Variants in CRYBG2 observed in about 807,000 individuals in gnomAD.
The protein encoded by CRYBG2 is crystallin beta-gamma domain containing 2.
Under a neutral mutation model 153.4 loss-of-function variants are expected in CRYBG2, and 106 were observed. The observed-to-expected ratio is 0.69, with a 90% CI of 0.59 to 0.81. The LOEUF is 0.81. Among genes scored for constraint, CRYBG2 ranks in the 30% least tolerant of loss-of-function variants. The probability of loss-of-function intolerance (pLI) is 0.00; values close to 1 mark genes in which losing one functional copy is unlikely to be tolerated. For synonymous variants in CRYBG2, 851 were observed against 877.8 expected (o/e 0.97, Z 0.54); for missense variants, 1,996 against 2,112.0 (o/e 0.95, Z 1.08).
Position 26,328,266 on chromosome 1 carries a change from G to T in CRYBG2, c.4521C>A (p.Thr1507=). 6.4e-7 allele frequency: 1 copy of T among 1,567,368 alleles called. No individual in the cohort carries two copies. Among genetic ancestry groups the T allele is most frequent in the Non-Finnish European group, 8.7e-7 (1 of 1,155,888 alleles). Residue 1507 remains threonine, a synonymous_variant, in exon 17 of 20, where the codon ACC becomes ACA. Transcript: ENST00000308182. ...GGGTGCCGCTGTAGGTCAGCCAGTTGGTGATCTCGCAGCTTCCCACCAGCC... is the reference window on the plus strand; with the variant it reads ...GGGTGCCGCTGTAGGTCAGCCAGTTTGTGATCTCGCAGCTTCCCACCAGCC... The part of the protein sequence containing the change: ...RQWLVGSCEI[T]NWLTYSGTQR...
intron 1 of CRYBG2, among the ~76,000 whole-genome samples, chr1:26,347,692 G>T (rs1035004822): frequency 6.6e-6 from 1 of 151,796 alleles, no homozygotes; most frequent in South Asian, 2.1e-4. Flanking sequence ...GGGTTTCGCC[G>T]TGTTAGCCAG....
intron 14 of CRYBG2, among the ~76,000 whole-genome samples, chr1:26,335,207 T>G (rs560946301): frequency 6.6e-6 from 1 of 151,870 alleles, no homozygotes; most frequent in South Asian, 2.1e-4. Context: ...CCGGGCGCAG[T>G]GGCTCACGCC....
intron 1 of CRYBG2, among the ~76,000 whole-genome samples, chr1:26,351,972 A>G (rs561663395): frequency 6.6e-6 from 1 of 152,244 alleles, no homozygotes; most frequent in Non-Finnish European, 1.5e-5. Context: ...GCCCCAGACC[A>G]GAAGTGGATT....
In CRYBG2 at chr1:26,344,046, G is replaced by C. The variant is rs541915347; in HGVS notation, c.2612C>G (p.Ser871Cys). Residue 871 changes from serine to cysteine, a missense_variant, in exon 2 of 20, where the codon TCT (serine) becomes TGT (cysteine). Transcript: ENST00000308182. Reference sequence around the variant, plus strand: ...ATGCTTCTTCATCATCTCCAGAGGAGAGCAGGAGACCTGGGTGGGTCTGGC... The same window carrying C: ...ATGCTTCTTCATCATCTCCAGAGGACAGCAGGAGACCTGGGTGGGTCTGGC... ...HPARPTQVSCSPLEMMKKHVA... is the reference protein window; with the variant it reads ...HPARPTQVSCCPLEMMKKHVA... 128 of 1,536,164 alleles carry C rather than the reference G, an allele frequency of 8.3e-5. No individual in the cohort carries two copies. The South Asian group carries it at 1.3e-3, about 15-fold the overall frequency.
Position 26,325,965 on chromosome 1 carries a change from C to T in CRYBG2, c.4579-1655G>A, listed in dbSNP as rs2073920261. On this transcript the variant is annotated intron_variant, in intron 17 of 19. Coordinates refer to ENST00000308182, the MANE Select transcript of CRYBG2 (RefSeq NM_001039775.4). This position sits in a 1 kb window ranked among gnomAD's most constrained non-coding sequence, Gnocchi z 4.1. The stretch of plus-strand genomic sequence containing the variant: ...CACCCACGCTGGAGTACCAGTGGAG[C>T]CATCATGGCTCACTGTAGCCTCAAA... 6.6e-6 allele frequency among the ~76,000 whole-genome samples: 1 copy of T among 152,070 alleles called. No homozygotes were observed. Among genetic ancestry groups the T allele is most frequent in the African/African-American group, 2.4e-5 (1 of 41,406 alleles).
chr1:26,346,841 C>T lies in CRYBG2; in HGVS notation c.-55-129G>A, dbSNP rs1387632960. On this transcript the variant is annotated intron_variant, in intron 1 of 19. Transcript: ENST00000308182. The surrounding 1 kb of genome is among the most constrained non-coding windows in gnomAD (Gnocchi z 4.9). ...ATCGCTTGGCCTTTTTGGGCCATTG[C>T]TTTCTCATCTGTGAAATGGGCATGG... is the stretch of plus-strand genomic sequence containing the variant. The T allele has an allele frequency of 8.5e-6, 5 of 589,626 alleles. No homozygotes were observed. Among genetic ancestry groups the T allele is most frequent in the Non-Finnish European group, 5.8e-6 (2 of 343,740 alleles). 36.5% of individuals were successfully genotyped at this position (589,626 alleles called of 1,614,324 possible).
At position 26,346,139 on chromosome 1, in the gene CRYBG2, T is replaced by G. The variant is rs1460355537; in HGVS notation, c.519A>C (p.Arg173=). 6.4e-7 allele frequency: 1 copy of G among 1,557,374 alleles called. No individual in the cohort carries two copies. The highest frequency in any genetic ancestry group is 1.8e-5 in the Admixed American group (1 of 56,156). ...TGGTGGTCCGCACAGTGCGTGTCAC[T>G]CGGTATTCCTCGAGGCTCCGGGAGC... ...SGSSRSLEEY[R]VTRTVRTTTV... The change falls in exon 2 of 20, where the codon CGA becomes CGC. Residue 173 remains arginine (R), a synonymous_variant. Coordinates refer to ENST00000308182, the MANE Select transcript of CRYBG2 (RefSeq NM_001039775.4). The surrounding 1 kb of genome is among the most constrained non-coding windows in gnomAD (Gnocchi z 4.9).
intron 1 of CRYBG2, among the ~76,000 whole-genome samples, chr1:26,347,964 A>G (rs1318328988): frequency 6.6e-6 from 1 of 152,078 alleles, no homozygotes; most frequent in African/African-American, 2.4e-5. Context: ...TTATTTTATA[A>G]GACTGAGTCT....
At chr1:26,349,573 A>G (rs986768808) in intron 1 of CRYBG2, among the ~76,000 whole-genome samples, 1 of 152,066 alleles carries the variant, frequency 6.6e-6, no homozygotes, top group African/African-American at 2.4e-5. Context: ...TAAATGTAGG[A>G]TAATATTAAC....
In CRYBG2 at chr1:26,336,260, G is replaced by A; in HGVS notation, c.4072-53C>T. The A allele has an allele frequency of 6.3e-7, 1 of 1,594,860 alleles. No homozygotes were observed. Among genetic ancestry groups the A allele is most frequent in the Admixed American group, 1.7e-5 (1 of 57,692 alleles). ...AAGGAGGACGATGGAGTGGGGCCGA[G>A]AACAGCGGGGAGGGGAAAGGTCCGA... On this transcript the variant is annotated intron_variant, in intron 13 of 19. Transcript: ENST00000308182. The surrounding 1 kb of genome is among the most constrained non-coding windows in gnomAD (Gnocchi z 4.9).
intron 1 of CRYBG2, among the ~76,000 whole-genome samples, chr1:26,349,613 G>C (rs374361611): frequency 1.3e-5 from 2 of 152,196 alleles, no homozygotes; most frequent in South Asian, 4.2e-4. Flanking sequence ...CTAAGCTTCT[G>C]CTATGGCTTG....
At chr1:26,348,972 C>G (rs1465337781) in intron 1 of CRYBG2, among the ~76,000 whole-genome samples, 4 of 151,896 alleles carry the variant, frequency 2.6e-5, no homozygotes, top group Non-Finnish European at 5.9e-5. Context: ...AGTTCGAGAC[C>G]AGCCTGACTA....
rs1388583704 is a variant in CRYBG2 at position 26,336,444 on chromosome 1, C to G, written c.4039-74G>C. 19 of 1,577,908 alleles carry G rather than the reference C, an allele frequency of 1.2e-5. No homozygotes were observed. Among genetic ancestry groups the G allele is most frequent in the Non-Finnish European group, 1.5e-5 (18 of 1,161,990 alleles). ...CCTTGTCTTCTCTAGGTTTCAGTAC[C>G]GTCCACCCCGCGGCCGCGCCCTCGG... On this transcript the variant is annotated intron_variant, in intron 12 of 19. Coordinates refer to ENST00000308182, the MANE Select transcript of CRYBG2 (RefSeq NM_001039775.4). The surrounding 1 kb of genome is among the most constrained non-coding windows in gnomAD (Gnocchi z 4.9).
chr1:26,346,367 A>G lies in CRYBG2; in HGVS notation c.291T>C (p.Phe97=). The change falls in exon 2 of 20, where the codon TTT becomes TTC. Residue 97 remains phenylalanine (F), a synonymous_variant. Coordinates refer to ENST00000308182, the MANE Select transcript of CRYBG2 (RefSeq NM_001039775.4). This position sits in a 1 kb window ranked among gnomAD's most constrained non-coding sequence, Gnocchi z 4.9. ...TGGGAGGTGGTATGTACTTCTTGGA[A>G]AAGATGGGTCCATGGCTCTGGAAGT... ...SKNFQSHGPI[F]SKKYIPPPKE... is the part of the protein sequence containing the mutation. 6.3e-7 allele frequency: 1 copy of G among 1,599,418 alleles called. No individual in the cohort carries two copies. The highest frequency in any genetic ancestry group is 8.5e-7 in the Non-Finnish European group (1 of 1,179,754).
At position 26,334,690 on chromosome 1, in the gene CRYBG2, C is replaced by T. The variant is rs376702674; in HGVS notation, c.4184+1405G>A. 1.8e-4 allele frequency among the ~76,000 whole-genome samples: 27 copies of T among 151,980 alleles called. No homozygotes were observed. In the East Asian group the frequency reaches 4.3e-3, roughly 24 times the overall value. ...CTGTAATCCCAGCACTTTGGGAGGCCGAGGGGGGCGGATCATGAGGTCAAG... is the reference window on the plus strand; with the variant it reads ...CTGTAATCCCAGCACTTTGGGAGGCTGAGGGGGGCGGATCATGAGGTCAAG... On this transcript the variant is annotated intron_variant, in intron 14 of 19. Transcript: ENST00000308182.
rs542440706 is a variant in CRYBG2 at position 26,345,166 on chromosome 1, C to T, written c.1492G>A (p.Val498Met). ...AASSPTWKEV[V>M]KGPGAPAASS... ...GCAGCAGGAGCACCAGGGCCCTTCA[C>T]GACCTCTTTCCAGGTGGGGGACGAG... is the stretch of plus-strand genomic sequence containing the variant. The change falls in exon 2 of 20, where the codon GTG (valine) becomes ATG (methionine). Residue 498 changes from valine (V) to methionine (M), a missense_variant. By Grantham distance (21) the Val-to-Met change is conservative. Coordinates refer to ENST00000308182, the MANE Select transcript of CRYBG2 (RefSeq NM_001039775.4). 12 of 1,162,340 alleles carry T rather than the reference C, an allele frequency of 1.0e-5. No homozygotes were observed. The highest frequency in any genetic ancestry group is 3.2e-5 in the African/African-American group (2 of 62,922). 72.0% of individuals were successfully genotyped at this position (1,162,340 alleles called of 1,614,324 possible). A position where few individuals can be genotyped will look rare whatever the true frequency, so the allele number is the denominator to read the frequency against.
In CRYBG2 at chr1:26,328,421, G is replaced by A. The variant is rs1570170725; in HGVS notation, c.4455-89C>T. 8.0e-6 allele frequency: 12 copies of A among 1,495,272 alleles called. No individual in the cohort carries two copies. In the East Asian group the frequency reaches 2.5e-4, roughly 31 times the overall value. 92.6% of individuals were successfully genotyped at this position (1,495,272 alleles called of 1,614,324 possible). A position where few individuals can be genotyped will look rare whatever the true frequency, so the allele number is the denominator to read the frequency against. Reference sequence around the variant, plus strand: ...GAGGAGGAGACACAGACGTCAAAACGTTCTCCACCTCCTCTTCTCCCATGG... The same window carrying A: ...GAGGAGGAGACACAGACGTCAAAACATTCTCCACCTCCTCTTCTCCCATGG... On this transcript the variant is annotated intron_variant, in intron 16 of 19. Transcript: ENST00000308182.
At chr1:26,351,484 C>G (rs2074286649) in intron 1 of CRYBG2, among the ~76,000 whole-genome samples, 1 of 152,160 alleles carries the variant, frequency 6.6e-6, no homozygotes, top group Non-Finnish European at 1.5e-5. Context: ...CCAGAGCCAA[C>G]TTTCTCATGA....
Position 26,346,788 on chromosome 1 carries a change from C to G in CRYBG2, c.-55-76G>C, listed in dbSNP as rs2074228452. 1 of 995,586 alleles carries G rather than the reference C, an allele frequency of 1.0e-6. No individual in the cohort carries two copies. Among genetic ancestry groups the G allele is most frequent in the Non-Finnish European group, 1.4e-6 (1 of 701,452 alleles). 61.7% of individuals were successfully genotyped at this position (995,586 alleles called of 1,614,324 possible). A position where few individuals can be genotyped will look rare whatever the true frequency, so the allele number is the denominator to read the frequency against. Reference sequence around the variant, plus strand: ...CTAAAGTGCAGAATAACCACCCCTACCCAAGTCAGGCTGGGAACCTCAGGC... The same window carrying G: ...CTAAAGTGCAGAATAACCACCCCTAGCCAAGTCAGGCTGGGAACCTCAGGC... On this transcript the variant is annotated intron_variant, in intron 1 of 19. Coordinates refer to ENST00000308182, the MANE Select transcript of CRYBG2 (RefSeq NM_001039775.4). This position sits in a 1 kb window ranked among gnomAD's most constrained non-coding sequence, Gnocchi z 4.9.
Sources: gnomAD v4.1 joint callset for allele counts (sites outside exome capture counted in the v4.1 genomes callset) on GRCh38, gnomAD v4.1.1 for gene constraint, Gnocchi (gnomAD v3.1) non-coding constraint, MANE v1.5 for transcripts, NCBI Gene and HGNC (gene_info 2026-07-23, HGNC 2026-07-21) for gene names.